MYCN: variants seen among roughly 807,000 people sequenced by gnomAD.
MYCN encodes MYCN proto-oncogene, bHLH transcription factor.
Under a neutral mutation model 28.1 loss-of-function variants are expected in MYCN, and 3 were observed. That is an observed-to-expected ratio of 0.11 (90% CI 0.05 to 0.28). The LOEUF (loss-of-function observed/expected upper bound fraction) is 0.28. MYCN is among the 10% of genes least tolerant of loss of function. The probability of loss-of-function intolerance (pLI) is 1.00; values close to 1 mark genes in which losing one functional copy is unlikely to be tolerated. For missense variants in MYCN, 572 were observed against 651.4 expected, an observed-to-expected ratio of 0.88 and a Z score of 1.33; for synonymous variants, 326 against 288.3, an observed-to-expected ratio of 1.13 and a Z score of -1.32.
At position 15,942,346 on chromosome 2, in the gene MYCN, G is replaced by A; in HGVS notation, c.282G>A (p.Glu94=). Residue 94 remains glutamate, a synonymous_variant, in exon 2 of 3, where the codon GAG becomes GAA. Coordinates refer to ENST00000281043, the MANE Select transcript of MYCN (RefSeq NM_005378.6). The surrounding 1 kb of genome is among the most constrained non-coding windows in gnomAD (Gnocchi z 7.0). ...AGCTGTGGGGCAGCCCGGCCGAGGAGGACGCGTTCGGCCTGGGGGGACTGG... is the reference window on the plus strand; with the variant it reads ...AGCTGTGGGGCAGCCCGGCCGAGGAAGACGCGTTCGGCCTGGGGGGACTGG... ...ENELWGSPAE[E]DAFGLGGLGG... 6.2e-7 allele frequency: 1 copy of A among 1,607,134 alleles called. No individual in the cohort carries two copies. The highest frequency in any genetic ancestry group is 8.5e-7 in the Non-Finnish European group (1 of 1,177,768).
chr2:15,940,970 TTACCGGGGGGAG>T (rs1011669208), intron 1 of MYCN: 3 of 391,000 alleles, frequency 7.7e-6, no homozygotes, highest in African/African-American at 6.2e-5. Flanking sequence ...TTTGCAGCCC[TTACCGGGGGGAG>T]TAATGGCTTC....
Position 15,946,170 on chromosome 2 carries a change from A to G in MYCN, c.*73A>G. 1 of 1,606,056 alleles carries G rather than the reference A, an allele frequency of 6.2e-7. No homozygotes were observed. The highest frequency in any genetic ancestry group is 8.5e-7 in the Non-Finnish European group (1 of 1,174,186). On this transcript the variant is annotated 3_prime_UTR_variant, in exon 3 of 3. Transcript: ENST00000281043. ...TTTTTTTTAAACAAACATTGTGTTGACATTAAGAATGTTGGTTTACTTTCA... is the reference window on the plus strand; with the variant it reads ...TTTTTTTTAAACAAACATTGTGTTGGCATTAAGAATGTTGGTTTACTTTCA...
Position 15,941,880 on chromosome 2 carries a change from G to T in MYCN, c.-117-68G>T, listed in dbSNP as rs1481837702. 4.6e-6 allele frequency: 3 copies of T among 656,848 alleles called. No homozygotes were observed. The highest frequency in any genetic ancestry group is 7.9e-6 in the Non-Finnish European group (3 of 380,436). The allele number at this position is 656,848 out of a possible 1,614,324, so 40.7% of individuals were successfully genotyped here. A position where few individuals can be genotyped will look rare whatever the true frequency, so the allele number is the denominator to read the frequency against. ...AGATTGGGGAACCTGGTTAGAGGGG[G>T]CGCCCATTGCCTATCCCCTCGGTCT... On this transcript the variant is annotated intron_variant, in intron 1 of 2. Transcript: ENST00000281043. The surrounding 1 kb of genome is among the most constrained non-coding windows in gnomAD (Gnocchi z 4.8).
chr2:15,942,619 G>C lies in MYCN; in HGVS notation c.555G>C (p.Glu185Asp). 3 of 1,118,892 alleles carry C rather than the reference G, an allele frequency of 2.7e-6. No homozygotes were observed. Among genetic ancestry groups the C allele is most frequent in the Middle Eastern group, 3.9e-4 (1 of 2,584 alleles). The allele number at this position is 1,118,892 out of a possible 1,614,324, so 69.3% of individuals were successfully genotyped here. A position where few individuals can be genotyped will look rare whatever the true frequency, so the allele number is the denominator to read the frequency against. Reference sequence around the variant, plus strand: ...CCGAGCTCGCCCACCCGGCCGCCGAGTGCGTGGATCCCGCCGTGGTCTTCC... The same window carrying C: ...CCGAGCTCGCCCACCCGGCCGCCGACTGCGTGGATCCCGCCGTGGTCTTCC... Reference protein sequence around the residue: ...LPAELAHPAAECVDPAVVFPF... With the variant: ...LPAELAHPAADCVDPAVVFPF... The change falls in exon 2 of 3, where the codon GAG becomes GAC. Residue 185 changes from glutamate to aspartate, a missense_variant. Transcript: ENST00000281043. The surrounding 1 kb of genome is among the most constrained non-coding windows in gnomAD (Gnocchi z 7.0).
Position 15,941,949 on chromosome 2 carries a change from G to T in MYCN, c.-116G>T. On this transcript the variant is annotated splice_region_variant and 5_prime_UTR_variant, in exon 2 of 3. Coordinates refer to ENST00000281043, the MANE Select transcript of MYCN (RefSeq NM_005378.6). The surrounding 1 kb of genome is among the most constrained non-coding windows in gnomAD (Gnocchi z 4.8). ...CTCCGGTGTGTCTGTCGGTTGCAGT[G>T]TTGGAGGTCGGCGCCGGCCCCCGCC... 2 of 1,333,570 alleles carry T rather than the reference G, an allele frequency of 1.5e-6. No homozygotes were observed. Among genetic ancestry groups the T allele is most frequent in the South Asian group, 2.6e-5 (2 of 75,540 alleles). The allele number at this position is 1,333,570 out of a possible 1,614,324, so 82.6% of individuals were successfully genotyped here. A position where few individuals can be genotyped will look rare whatever the true frequency, so the allele number is the denominator to read the frequency against.
intron 1 of MYCN, chr2:15,940,945 A>T (rs757623660): frequency 2.5e-5 from 10 of 395,622 alleles, no homozygotes; most frequent in South Asian, 2.9e-4. Context: ...GCTAGAGGAG[A>T]CCCGCCCTAA....
chr2:15,942,878 C>T lies in MYCN; in HGVS notation c.790+24C>T. 6 of 1,569,992 alleles carry T rather than the reference C, an allele frequency of 3.8e-6. No homozygotes were observed. The highest frequency in any genetic ancestry group is 5.2e-6 in the Non-Finnish European group (6 of 1,163,784). On this transcript the variant is annotated intron_variant, in intron 2 of 2. Transcript: ENST00000281043. This position sits in a 1 kb window ranked among gnomAD's most constrained non-coding sequence, Gnocchi z 7.0. ...AGGTAAAGACCGAACTCGGGTCCGG[C>T]TGCCTCCCTGGGGCACTGGACCCCG...
In MYCN at chr2:15,945,832, C is replaced by G. The variant is rs1558536330; in HGVS notation, c.1130C>G (p.Ser377Trp). The G allele has an allele frequency of 6.2e-7, 1 of 1,614,042 alleles. No individual in the cohort carries two copies. Among genetic ancestry groups the G allele is most frequent in the Non-Finnish European group, 8.5e-7 (1 of 1,180,034 alleles). Residue 377 changes from serine to tryptophan, a missense_variant, in exon 3 of 3, where the codon TCG becomes TGG. Physicochemically the swap from Ser to Trp is radical, Grantham distance 177 (BLOSUM62 -3). Coordinates refer to ENST00000281043, the MANE Select transcript of MYCN (RefSeq NM_005378.6). This position sits in a 1 kb window ranked among gnomAD's most constrained non-coding sequence, Gnocchi z 4.8. Reference protein sequence around the residue: ...AKSLSPRNSDSEDSERRRNHN... With the variant: ...AKSLSPRNSDWEDSERRRNHN... Reference sequence around the variant, plus strand: ...AGCTTGAGCCCCCGAAACTCTGACTCGGAGGACAGTGAGCGTCGCAGAAAC... The same window carrying G: ...AGCTTGAGCCCCCGAAACTCTGACTGGGAGGACAGTGAGCGTCGCAGAAAC...
chr2:15,942,923 G>T lies in MYCN; in HGVS notation c.790+69G>T. 6.6e-7 allele frequency: 1 copy of T among 1,508,186 alleles called. No homozygotes were observed. The highest frequency in any genetic ancestry group is 1.8e-4 in the Middle Eastern group (1 of 5,674). 93.4% of individuals were successfully genotyped at this position (1,508,186 alleles called of 1,614,324 possible). A position where few individuals can be genotyped will look rare whatever the true frequency, so the allele number is the denominator to read the frequency against. On this transcript the variant is annotated intron_variant, in intron 2 of 2. Coordinates refer to ENST00000281043, the MANE Select transcript of MYCN (RefSeq NM_005378.6). This position sits in a 1 kb window ranked among gnomAD's most constrained non-coding sequence, Gnocchi z 7.0. ...ACCCCGGGTCGCGTCCCCTTTGTTA[G>T]TGCTCGTATGTCTTGGCCTGGGGAG...
rs794727503 is a variant in MYCN at position 15,945,537 on chromosome 2, G to A, written c.835G>A (p.Val279Met). The A allele has an allele frequency of 8.7e-6, 14 of 1,613,800 alleles. No homozygotes were observed. Among genetic ancestry groups the A allele is most frequent in the African/African-American group, 6.7e-5 (5 of 74,914 alleles). ...GGAAGATGAAGAGGAAGAAATCGAC[G>A]TGGTCACTGTGGAGAAGCGGCGTTC... ...EEEDEEEEID[V>M]VTVEKRRSSS... is the part of the protein sequence containing the mutation. The change falls in exon 3 of 3, where the codon GTG becomes ATG. Residue 279 changes from valine to methionine, a missense_variant. Val to Met is a conservative substitution (Grantham distance 21). This residue lies in a region of MYCN where 499 missense variants were observed against 524.3 expected (regional missense o/e 0.95). Transcript: ENST00000281043. This position sits in a 1 kb window ranked among gnomAD's most constrained non-coding sequence, Gnocchi z 4.8.
In MYCN at chr2:15,942,051, C is replaced by T; in HGVS notation, c.-14C>T. The T allele has an allele frequency of 6.2e-7, 1 of 1,613,134 alleles. No individual in the cohort carries two copies. Among genetic ancestry groups the T allele is most frequent in the Non-Finnish European group, 8.5e-7 (1 of 1,179,936 alleles). On this transcript the variant is annotated 5_prime_UTR_variant, in exon 2 of 3. Transcript: ENST00000281043. The surrounding 1 kb of genome is among the most constrained non-coding windows in gnomAD (Gnocchi z 7.0). ...CGGAAAGAAGCCCTCAGTCGCCGGC[C>T]GGGAGGCGAGCCGATGCCGAGCTGC... is the stretch of plus-strand genomic sequence containing the variant.
rs1361893222 is a variant in MYCN, at chr2:15,941,748, CCT to C, written c.-117-199_-117-198del. ...TGCATCTGCATGCCCCCTCCCACCC[CCT>C]GTCGTAGACAGCTTGTACACAAAAG... is the stretch of plus-strand genomic sequence containing the variant. On this transcript the variant is annotated intron_variant, in intron 1 of 2. Transcript: ENST00000281043. This position sits in a 1 kb window ranked among gnomAD's most constrained non-coding sequence, Gnocchi z 4.8. 3 of 497,880 alleles carry C rather than the reference CCT, an allele frequency of 6.0e-6. No individual in the cohort carries two copies. Among genetic ancestry groups the C allele is most frequent in the Non-Finnish European group, 1.1e-5 (3 of 276,010 alleles). The allele number at this position is 497,880 out of a possible 1,614,324, so 30.8% of individuals were successfully genotyped here.
intron 1 of MYCN, 105 bp downstream of exon 1, chr2:15,940,848 T>C (rs1662627333): frequency 2.5e-6 from 1 of 397,786 alleles, no homozygotes; most frequent in Admixed American, 4.4e-5. Context: ...GGCGCCCTAA[T>C]ATGCCCGGGG....
In MYCN at chr2:15,940,694, C is replaced by A; in HGVS notation, c.-167C>A. The A allele has an allele frequency of 5.3e-6, 2 of 378,834 alleles. No homozygotes were observed. Among genetic ancestry groups the A allele is most frequent in the Non-Finnish European group, 4.7e-6 (1 of 213,500 alleles). 23.5% of individuals were successfully genotyped at this position (378,834 alleles called of 1,614,324 possible). A position where few individuals can be genotyped will look rare whatever the true frequency, so the allele number is the denominator to read the frequency against. ...GACACCCCCGCCCCCCCGGCCCACCCGGAGACACCCGCGCAGAATCGCCTC... is the reference window on the plus strand; with the variant it reads ...GACACCCCCGCCCCCCCGGCCCACCAGGAGACACCCGCGCAGAATCGCCTC... On this transcript the variant is annotated 5_prime_UTR_variant, in exon 1 of 3. Coordinates refer to ENST00000281043, the MANE Select transcript of MYCN (RefSeq NM_005378.6).
Position 15,941,087 on chromosome 2 carries a change from A to C in MYCN, c.-118+344A>C. ...CCACCCCAGGCTGGGGTTCTTCTCC[A>C]AAGGGTGCCCCTGGAGGAAGAAGAG... On this transcript the variant is annotated intron_variant, in intron 1 of 2. Coordinates refer to ENST00000281043, the MANE Select transcript of MYCN (RefSeq NM_005378.6). The surrounding 1 kb of genome is among the most constrained non-coding windows in gnomAD (Gnocchi z 4.8). 4.9e-6 allele frequency: 1 copy of C among 205,264 alleles called. No homozygotes were observed. The highest frequency in any genetic ancestry group is 9.7e-6 in the Non-Finnish European group (1 of 103,230). 12.7% of individuals were successfully genotyped at this position (205,264 alleles called of 1,614,324 possible). A position where few individuals can be genotyped will look rare whatever the true frequency, so the allele number is the denominator to read the frequency against.
In MYCN at chr2:15,941,913, T is replaced by G; in HGVS notation, c.-117-35T>G. The G allele has an allele frequency of 2.1e-6, 2 of 941,490 alleles. No homozygotes were observed. The highest frequency in any genetic ancestry group is 3.2e-6 in the Non-Finnish European group (2 of 621,398). 58.3% of individuals were successfully genotyped at this position (941,490 alleles called of 1,614,324 possible). On this transcript the variant is annotated intron_variant, in intron 1 of 2. Transcript: ENST00000281043. The surrounding 1 kb of genome is among the most constrained non-coding windows in gnomAD (Gnocchi z 4.8). Reference sequence around the variant, plus strand: ...TGCCTATCCCCTCGGTCTGCCCCGTTTGCCCACCCTCTCCGGTGTGTCTGT... The same window carrying G: ...TGCCTATCCCCTCGGTCTGCCCCGTGTGCCCACCCTCTCCGGTGTGTCTGT...
Position 15,946,264 on chromosome 2 carries a change from C to A in MYCN, c.*167C>A. The A allele has an allele frequency of 1.1e-6, 1 of 941,520 alleles. No individual in the cohort carries two copies. Among genetic ancestry groups the A allele is most frequent in the Admixed American group, 2.2e-5 (1 of 45,822 alleles). The allele number at this position is 941,520 out of a possible 1,614,324, so 58.3% of individuals were successfully genotyped here. On this transcript the variant is annotated 3_prime_UTR_variant, in exon 3 of 3. Coordinates refer to ENST00000281043, the MANE Select transcript of MYCN (RefSeq NM_005378.6). ...CACCAGTGTGGGGTTCTGCTGGGAC[C>A]TTGGAGAGCCTGCATCCCAGGATGC...
intron 2 of MYCN, among the ~76,000 whole-genome samples, chr2:15,943,298 A>T (rs1662764787): frequency 6.6e-6 from 1 of 152,126 alleles, no homozygotes; most frequent in African/African-American, 2.4e-5. Context: ...AGGGAAAGAC[A>T]TCCCGAGAAG....
rs144531796 is a variant in MYCN at position 15,946,086 on chromosome 2, C to T, written c.1384C>T (p.Arg462Trp). 12 of 1,614,018 alleles carry T rather than the reference C, an allele frequency of 7.4e-6. No individual in the cohort carries two copies. Among genetic ancestry groups the T allele is most frequent in the Non-Finnish European group, 1.7e-6 (2 of 1,180,058 alleles). Residue 462 changes from arginine to tryptophan, a missense_variant, in exon 3 of 3, where the codon CGG becomes TGG. Coordinates refer to ENST00000281043, the MANE Select transcript of MYCN (RefSeq NM_005378.6). ...GTTGCTAAAGAAAATTGAACACGCT[C>T]GGACTTGCTAGACGCTTCTCAAAAC... ...QQLLKKIEHA[R>W]TC
Sources: allele counts gnomAD v4.1 joint callset (sites outside exome capture counted in the v4.1 genomes callset), GRCh38; gene constraint gnomAD v4.1.1; regional missense constraint gnomAD v4.1.1; non-coding constraint Gnocchi (gnomAD v3.1); transcripts MANE v1.5; gene names NCBI Gene and HGNC (gene_info 2026-07-23, HGNC 2026-07-21).